MDGA2: variants seen among roughly 807,000 people sequenced by gnomAD.
MDGA2 encodes MAM domain containing glycosylphosphatidylinositol anchor 2, also known as MAM domain-containing glycosylphosphatidylinositol anchor protein 2.
Under a neutral mutation model 117.8 loss-of-function variants are expected in MDGA2, and 40 were observed. The observed-to-expected ratio is 0.34, with a 90% CI of 0.26 to 0.44. The LOEUF (loss-of-function observed/expected upper bound fraction) is 0.44. MDGA2 is among the 20% of genes least tolerant of loss of function. The pLI is 1.00. For synonymous variants in MDGA2, 452 were observed against 439.0 expected (o/e 1.03, Z -0.37); for missense variants, 1,123 against 1,250.6 (o/e 0.90, Z 1.54).
intron 1 of MDGA2, among the ~76,000 whole-genome samples, chr14:47,571,922 T>C (rs1317779533): frequency 6.6e-6 from 1 of 152,110 alleles, no homozygotes; most frequent in African/African-American, 2.4e-5. Flanking sequence ...AAATACTGCA[T>C]ACATTCACAC....
intron 6 of MDGA2, among the ~76,000 whole-genome samples, chr14:47,093,402 A>G (rs1879783640): frequency 6.6e-6 from 1 of 152,106 alleles, no homozygotes; most frequent in Non-Finnish European, 1.5e-5. Context: ...AGATGTAGGC[A>G]TTTCTAAATA....
chr14:47,151,784 T>C (rs1421096827), intron 3 of MDGA2, among the ~76,000 whole-genome samples: 5 of 151,782 alleles, frequency 3.3e-5, no homozygotes, highest in African/African-American at 1.2e-4. Flanking sequence ...TTTAAATATA[T>C]TTCAATAACA....
intron 1 of MDGA2, among the ~76,000 whole-genome samples, chr14:47,510,776 C>T (rs933471717): frequency 6.6e-6 from 1 of 152,198 alleles, no homozygotes; most frequent in African/African-American, 2.4e-5. Context: ...TCTCTGATCT[C>T]ATCACAGTTA....
At chr14:47,614,750 T>A (rs1306894218) in intron 1 of MDGA2, among the ~76,000 whole-genome samples, 1 of 152,206 alleles carries the variant, frequency 6.6e-6, no homozygotes. Flanking sequence ...GCATCTCAGA[T>A]TTAAACCAAT....
At chr14:47,202,560 A>T (rs1381640864) in intron 3 of MDGA2, among the ~76,000 whole-genome samples, 1 of 152,160 alleles carries the variant, frequency 6.6e-6, no homozygotes, top group African/African-American at 2.4e-5. Flanking sequence ...TTAAGAGCTG[A>T]CCTTCCTGAG....
At chr14:47,571,114 T>C (rs1896010493) in intron 1 of MDGA2, among the ~76,000 whole-genome samples, 1 of 152,128 alleles carries the variant, frequency 6.6e-6, no homozygotes, top group African/African-American at 2.4e-5. Context: ...CAGGCACTTC[T>C]CAAAAGAAGA....
At chr14:47,209,881 T>C (rs923843663) in intron 3 of MDGA2, among the ~76,000 whole-genome samples, 2 of 152,178 alleles carry the variant, frequency 1.3e-5, no homozygotes, top group Non-Finnish European at 2.9e-5. Context: ...GCTGATGTTT[T>C]GGGAGGATGG....
intron 1 of MDGA2, among the ~76,000 whole-genome samples, chr14:47,362,310 A>G (rs1187222051): frequency 6.6e-6 from 1 of 152,220 alleles, no homozygotes; most frequent in Non-Finnish European, 1.5e-5. Context: ...GACTCTAAAA[A>G]TAATAAAAAT....
intron 3 of MDGA2, among the ~76,000 whole-genome samples, chr14:47,160,051 C>G (rs1182113991): frequency 6.6e-6 from 1 of 152,112 alleles, no homozygotes; most frequent in African/African-American, 2.4e-5. Context: ...TGTTGTGTCA[C>G]TTCGAGGTCT....
chr14:46,959,062 T>G (rs940096047), intron 8 of MDGA2, among the ~76,000 whole-genome samples: 15 of 152,160 alleles, frequency 9.9e-5, no homozygotes, highest in Admixed American at 3.9e-4. Flanking sequence ...TAAACTCCTC[T>G]AAAAAAAGTT....
At chr14:47,323,163 T>G (rs1224562267) in intron 1 of MDGA2, among the ~76,000 whole-genome samples, 1 of 34,206 alleles carries the variant, frequency 2.9e-5, no homozygotes, top group African/African-American at 6.8e-5. Flanking sequence ...TATATATATA[T>G]ATATATATAT....
intron 3 of MDGA2, among the ~76,000 whole-genome samples, chr14:47,172,118 T>G (rs1394189702): frequency 6.6e-6 from 1 of 152,132 alleles, no homozygotes; most frequent in Non-Finnish European, 1.5e-5. Context: ...TAGCCCAGGC[T>G]TGCTCAGCTA....
chr14:47,180,310 C>T (rs1884647498), intron 3 of MDGA2, among the ~76,000 whole-genome samples: 1 of 152,076 alleles, frequency 6.6e-6, no homozygotes, highest in South Asian at 2.1e-4. Flanking sequence ...ATGACAGAGA[C>T]ACCAAAAGCA....
intron 7 of MDGA2, among the ~76,000 whole-genome samples, chr14:47,048,464 T>C (rs758475039): frequency 4.6e-5 from 7 of 152,112 alleles, no homozygotes; most frequent in African/African-American, 1.4e-4. Flanking sequence ...TTATTACTTC[T>C]GCAATAAAAA....
chr14:47,480,247 A>G (rs1893924414), intron 1 of MDGA2, among the ~76,000 whole-genome samples: 1 of 152,108 alleles, frequency 6.6e-6, no homozygotes, highest in Admixed American at 6.5e-5. Context: ...ATCAAGGTTT[A>G]CAAATTCTTA....
chr14:47,303,741 T>C (rs1889355096), intron 1 of MDGA2, among the ~76,000 whole-genome samples: 1 of 77,364 alleles, frequency 1.3e-5, no homozygotes, highest in Non-Finnish European at 2.5e-5. Context: ...TTTAGCTTCA[T>C]ATGTGATAGT....
intron 1 of MDGA2, among the ~76,000 whole-genome samples, chr14:47,373,385 A>G (rs1235135173): frequency 6.6e-6 from 1 of 152,092 alleles, no homozygotes; most frequent in South Asian, 2.1e-4. Context: ...AAACATTCAT[A>G]TCATCACTAT....
intron 1 of MDGA2, among the ~76,000 whole-genome samples, chr14:47,417,747 C>T (rs1027836066): frequency 6.6e-6 from 1 of 152,150 alleles, no homozygotes; most frequent in African/African-American, 2.4e-5. Context: ...GAGGATCTTT[C>T]TCTGTCACCC....
At chr14:47,304,339 G>A (rs1889373604) in intron 1 of MDGA2, among the ~76,000 whole-genome samples, 1 of 152,084 alleles carries the variant, frequency 6.6e-6, no homozygotes, top group Non-Finnish European at 1.5e-5. Context: ...CAAAGCCACT[G>A]GCCTATTGTT....
Sources: allele counts gnomAD v4.1 joint callset (sites outside exome capture counted in the v4.1 genomes callset), GRCh38; gene constraint gnomAD v4.1.1; transcripts MANE v1.5; gene names NCBI Gene and HGNC (gene_info 2026-07-23, HGNC 2026-07-21).